NPSR1: variants seen among roughly 807,000 people sequenced by gnomAD.
NPSR1 encodes neuropeptide S receptor 1, also known as neuropeptide S receptor.
A neutral mutation model predicts 46.9 loss-of-function variants in NPSR1; 48 were observed. That is an observed-to-expected ratio of 1.02 (90% confidence interval 0.81 to 1.30). The LOEUF (loss-of-function observed/expected upper bound fraction) is 1.30, where lower values mean the gene tolerates loss of function less well. Ranked by LOEUF, NPSR1 falls within the 50% of genes most tolerant of loss-of-function variation. The pLI is 0.00. For missense variants in NPSR1, 450 were observed against 449.5 expected (o/e 1.00, Z -0.01); for synonymous variants, 176 against 168.1 (o/e 1.05, Z -0.36).
At chr7:34,670,590 A>C (rs906826333) in intron 1 of NPSR1, among the ~76,000 whole-genome samples, 1 of 150,944 alleles carries the variant, frequency 6.6e-6, no homozygotes, top group South Asian at 2.1e-4. Context: ...TAAATATATA[A>C]TATTATAGCT....
At chr7:34,688,648 C>G (rs1451456017) in intron 2 of NPSR1, among the ~76,000 whole-genome samples, 1 of 152,152 alleles carries the variant, frequency 6.6e-6, no homozygotes, top group Non-Finnish European at 1.5e-5. Context: ...ATGCAAAGAC[C>G]TTGTGGCTGC....
intron 2 of NPSR1, among the ~76,000 whole-genome samples, chr7:34,745,467 C>G (rs1174575418): frequency 6.6e-6 from 1 of 152,016 alleles, no homozygotes; most frequent in Admixed American, 6.5e-5. Context: ...TTAGAGAATT[C>G]CTCTTTCATC....
In NPSR1 at chr7:34,779,867, C is replaced by T. The variant is rs142166598; in HGVS notation, c.384+1302C>T. ...TTTCTATTAGTCAAGAATTCAGGAA[C>T]AGCTTGGCTAGGCAGATCTGGATAA... is the stretch of plus-strand genomic sequence containing the variant. On this transcript the variant is annotated intron_variant, in intron 3 of 8. Transcript: ENST00000360581. 1.0e-3 allele frequency: 174 copies of T among 173,880 alleles called. 1 individual carries two copies. Among genetic ancestry groups the T allele is most frequent in the African/African-American group, 4.1e-3 (172 of 42,400 alleles). The allele number at this position is 173,880 out of a possible 1,614,324, so 10.8% of individuals were successfully genotyped here. A position where few individuals can be genotyped will look rare whatever the true frequency, so the allele number is the denominator to read the frequency against.
intron 8 of NPSR1, 95 bp downstream of exon 8, chr7:34,848,758 G>A: frequency 2.8e-6 from 3 of 1,089,582 alleles, no homozygotes; most frequent in South Asian, 1.5e-5. Flanking sequence ...CTCTCCAGCA[G>A]GTTACAGGAT....
At chr7:34,754,430 G>A (rs1016696708) in intron 2 of NPSR1, among the ~76,000 whole-genome samples, 2 of 150,832 alleles carry the variant, frequency 1.3e-5, no homozygotes, top group African/African-American at 2.4e-5. Context: ...TCCGGTGCAC[G>A]CAAGTATCAG....
chr7:34,738,305 A>C (rs1055193460), intron 2 of NPSR1, among the ~76,000 whole-genome samples: 3 of 152,240 alleles, frequency 2.0e-5, no homozygotes, highest in Non-Finnish European at 4.4e-5. Context: ...TTCACAGGTA[A>C]AACAATCTGG....
chr7:34,829,830 T>A (rs749520311), intron 5 of NPSR1, among the ~76,000 whole-genome samples: 1 of 152,230 alleles, frequency 6.6e-6, no homozygotes, highest in South Asian at 2.1e-4. Flanking sequence ...CTGGTTTCCC[T>A]CAGCTCTCAC....
chr7:34,748,819 A>G (rs1323493316), intron 2 of NPSR1, among the ~76,000 whole-genome samples: 2 of 152,068 alleles, frequency 1.3e-5, no homozygotes, highest in African/African-American at 4.8e-5. Flanking sequence ...GTCAATCACA[A>G]TAGAATCCTA....
At chr7:34,861,480 T>A (rs1396572322) in intron 8 of NPSR1, among the ~76,000 whole-genome samples, 1 of 151,884 alleles carries the variant, frequency 6.6e-6, no homozygotes, top group Non-Finnish European at 1.5e-5. Context: ...CTGGCATTTT[T>A]CTTTTGCAGT....
chr7:34,860,531 C>T (rs952140640), intron 8 of NPSR1, among the ~76,000 whole-genome samples: 1 of 151,754 alleles, frequency 6.6e-6, no homozygotes, highest in Non-Finnish European at 1.5e-5. Context: ...TAACTTTATG[C>T]AAATCTTTTT....
intron 2 of NPSR1, among the ~76,000 whole-genome samples, chr7:34,692,285 T>C (rs1041558605): frequency 2.0e-5 from 3 of 152,180 alleles, no homozygotes; most frequent in African/African-American, 7.2e-5. Context: ...TTCTCCCAAA[T>C]TGACTTTATT....
intron 2 of NPSR1, among the ~76,000 whole-genome samples, chr7:34,742,098 A>G (rs1030600925): frequency 2.6e-5 from 4 of 151,868 alleles, no homozygotes; most frequent in Non-Finnish European, 5.9e-5. Flanking sequence ...GTTAGGAACC[A>G]TAAGTTTTTC....
chr7:34,856,020 A>C (rs1791040206), intron 8 of NPSR1, among the ~76,000 whole-genome samples: 1 of 152,222 alleles, frequency 6.6e-6, no homozygotes, highest in African/African-American at 2.4e-5. Context: ...CTTAAAGTTT[A>C]TCTGCAAGAA....
chr7:34,708,341 T>G (rs61007401), intron 2 of NPSR1, among the ~76,000 whole-genome samples: 6,127 of 152,304 alleles, frequency 0.04, 163 homozygotes, highest in African/African-American at 0.077. Flanking sequence ...AGGGTCATAT[T>G]TGAACTAATC....
chr7:34,687,515 G>A lies in NPSR1; in HGVS notation c.280+2831G>A, dbSNP rs544431754. On this transcript the variant is annotated intron_variant, in intron 2 of 8. Coordinates refer to ENST00000360581, the MANE Select transcript of NPSR1 (RefSeq NM_207172.2). ...GGTACCTTCTTCACAAGGCAGCAAG[G>A]TGGAGTGAGGGCAAGCAGGGGGAAT... 2.0e-4 allele frequency among the ~76,000 whole-genome samples: 30 copies of A among 152,304 alleles called. 1 individual carries two copies. The highest frequency in any genetic ancestry group is 3.4e-4 in the African/African-American group (14 of 41,562).
chr7:34,827,650 G>GGT, intron 5 of NPSR1, 48 bp downstream of exon 5: 5 of 612,070 alleles, frequency 8.2e-6, no homozygotes, highest in Admixed American at 2.1e-5. Flanking sequence ...GGGCGGGGGG[G>GGT]GCTTTCCTGT....
At chr7:34,867,810 C>A (rs940676770) in intron 8 of NPSR1, among the ~76,000 whole-genome samples, 1 of 151,754 alleles carries the variant, frequency 6.6e-6, no homozygotes, top group African/African-American at 2.4e-5. Flanking sequence ...CAGGATAAGT[C>A]TAAAATAGTT....
chr7:34,753,563 T>A (rs1482014672), intron 2 of NPSR1: 2 of 151,896 alleles, frequency 1.3e-5, no homozygotes, highest in Non-Finnish European at 2.9e-5. Flanking sequence ...GTTACCCCTA[T>A]CCCAGGAGCA....
chr7:34,845,878 T>C (rs1316777422), intron 7 of NPSR1, among the ~76,000 whole-genome samples: 1 of 152,186 alleles, frequency 6.6e-6, no homozygotes, highest in Admixed American at 6.5e-5. Flanking sequence ...TTCTTTTTTA[T>C]TTAGCTTAAA....
Sources: gnomAD v4.1 joint callset for allele counts (sites outside exome capture counted in the v4.1 genomes callset) on GRCh38, gnomAD v4.1.1 for gene constraint, MANE v1.5 for transcripts, NCBI Gene and HGNC (gene_info 2026-07-23, HGNC 2026-07-21) for gene names.